The following SLC1A3 variants were observed in gnomAD, a reference collection of about 807,000 sequenced individuals.
SLC1A3 encodes excitatory amino acid transporter 1.
Under a neutral mutation model 48.1 loss-of-function variants are expected in SLC1A3, and 21 were observed. The ratio of observed to expected loss-of-function variants is 0.44; its 90% CI spans 0.31 to 0.63. The LOEUF (loss-of-function observed/expected upper bound fraction) is 0.63, where lower values mean the gene tolerates loss of function less well. SLC1A3 is among the 20% of genes least tolerant of loss of function. The probability of loss-of-function intolerance (pLI) is 0.08; values close to 1 mark genes in which losing one functional copy is unlikely to be tolerated. For missense variants in SLC1A3, 546 were observed against 689.0 expected, an observed-to-expected ratio of 0.79 and a Z score of 2.32; for synonymous variants, 239 against 251.4, an observed-to-expected ratio of 0.95 and a Z score of 0.47.
At chr5:36,671,867 G>A (rs1742010387) in intron 4 of SLC1A3, among the ~76,000 whole-genome samples, 1 of 152,184 alleles carries the variant, frequency 6.6e-6, no homozygotes, top group South Asian at 2.1e-4. Context: ...TGGTAATAGA[G>A]TCAGCCTTAT....
chr5:36,611,892 C>A (rs1739214571), intron 2 of SLC1A3, among the ~76,000 whole-genome samples: 1 of 152,112 alleles, frequency 6.6e-6, no homozygotes, highest in Admixed American at 6.6e-5. Context: ...GAATGAATTG[C>A]ACAATAAAAA....
At chr5:36,605,985 A>G (rs1055063486), upstream of SLC1A3, among the ~76,000 whole-genome samples, 4 of 152,194 alleles carry the variant, frequency 2.6e-5, no homozygotes, top group African/African-American at 9.7e-5. Flanking sequence ...GTCTCTTTAC[A>G]TTTGCTACCT....
intron 3 of SLC1A3, among the ~76,000 whole-genome samples, chr5:36,633,944 G>T (rs747546585): frequency 6.6e-6 from 1 of 152,086 alleles, no homozygotes; most frequent in South Asian, 2.1e-4. Context: ...CCTAACAAAG[G>T]CTCTGGGAGC....
intron 2 of SLC1A3, among the ~76,000 whole-genome samples, chr5:36,613,649 G>A (rs963705148): frequency 6.6e-6 from 1 of 152,114 alleles, no homozygotes; most frequent in Non-Finnish European, 1.5e-5. Flanking sequence ...TCAGACTTAC[G>A]GTTTCTTCAA....
intron 2 of SLC1A3, among the ~76,000 whole-genome samples, chr5:36,611,803 C>T (rs1223360475): frequency 7.1e-6 from 1 of 140,276 alleles, no homozygotes; most frequent in African/African-American, 2.7e-5. Context: ...GTTAGAGTGA[C>T]CTCAGACATC....
intron 3 of SLC1A3, among the ~76,000 whole-genome samples, chr5:36,660,006 C>T (rs1422164509): frequency 6.6e-6 from 1 of 152,162 alleles, no homozygotes; most frequent in Non-Finnish European, 1.5e-5. Context: ...CTTCTCTTTA[C>T]CTTATGTATA....
intron 2 of SLC1A3, among the ~76,000 whole-genome samples, chr5:36,625,425 C>G (rs1739864301): frequency 1.3e-5 from 2 of 151,996 alleles, no homozygotes; most frequent in African/African-American, 4.8e-5. Context: ...CCACTGCACT[C>G]CAGCTTGGGT....
chr5:36,635,590 G>T (rs442867), intron 3 of SLC1A3, among the ~76,000 whole-genome samples: 25,622 of 152,088 alleles, frequency 0.17, 3,142 homozygotes, highest in African/African-American at 0.34. Flanking sequence ...TCTGCCCTGC[G>T]GCATGGAATT....
In SLC1A3 at chr5:36,626,804, A is replaced by G. The variant is rs78306535; in HGVS notation, c.182-2646A>G. Among the ~76,000 whole-genome samples the G allele has an allele frequency of 6.2e-3, 950 of 152,350 alleles. 21 individuals carry two copies. Among genetic ancestry groups the G allele is most frequent in the East Asian group, 0.056 (293 of 5,188 alleles). On this transcript the variant is annotated intron_variant, in intron 2 of 9. Coordinates refer to ENST00000265113, the MANE Select transcript of SLC1A3 (RefSeq NM_004172.5). Reference sequence around the variant, plus strand: ...TTATTAATTCCTATAAGTTATGGATACTGCTGTGTTAAATAATGCACATTG... The same window carrying G: ...TTATTAATTCCTATAAGTTATGGATGCTGCTGTGTTAAATAATGCACATTG...
intron 1 of SLC1A3, among the ~76,000 whole-genome samples, chr5:36,607,909 T>C (rs1178134554): frequency 6.6e-6 from 1 of 152,198 alleles, no homozygotes; most frequent in African/African-American, 2.4e-5. Context: ...TGGTTATGCT[T>C]TCAACCATGT....
chr5:36,673,067 T>G (rs1742060707), intron 4 of SLC1A3, among the ~76,000 whole-genome samples: 1 of 152,176 alleles, frequency 6.6e-6, no homozygotes, highest in African/African-American at 2.4e-5. Flanking sequence ...TCACTTGGTT[T>G]GAACATTTAT....
Position 36,676,941 on chromosome 5 carries a change from A to G in SLC1A3, c.617A>G (p.Asn206Ser), listed in dbSNP as rs977606863. Residue 206 changes from asparagine to serine, a missense_variant, in exon 6 of 10, where the codon AAC (asparagine) becomes AGC (serine). Asn to Ser is a conservative substitution (Grantham distance 46, BLOSUM62 1). This residue lies in a region of SLC1A3 where 348 missense variants were observed against 392.0 expected (regional missense o/e 0.89). Transcript: ENST00000265113. ...AGCTTTAAAGTGCCCATCCAGGCCA[A>G]CGAAACGCTTGTGGGTGCTGTGATA... The part of the protein sequence containing the change: ...KRSFKVPIQA[N>S]ETLVGAVINN... 2.5e-6 allele frequency: 4 copies of G among 1,614,062 alleles called. No individual in the cohort carries two copies. Among genetic ancestry groups the G allele is most frequent in the South Asian group, 1.1e-5 (1 of 91,074 alleles).
Position 36,597,233 on chromosome 5 carries a change from CTTTTTTTTTTTTTTTTTT to C in SLC1A3, c.-96+569_-96+586del, listed in dbSNP as rs70976237. Among the ~76,000 whole-genome samples the C allele has an allele frequency of 5.9e-4, 27 of 46,116 alleles. 1 individual carries two copies. The highest frequency in any genetic ancestry group is 2.5e-3 in the African/African-American group (26 of 10,474). The allele number at this position is 46,116 out of a possible 152,430, so 30.3% of individuals were successfully genotyped here. On this transcript the variant is annotated intron_variant, in intron 1 of 9. Coordinates refer to the SLC1A3 transcript ENST00000680318. ...CACACCGAAAACTTCTTCTTCCTTTCTTTTTTTTTTTTTTTTTTTTTTTTTTTTTTTGAGACGGAGTCT... is the reference window on the plus strand; with the variant it reads ...CACACCGAAAACTTCTTCTTCCTTTCTTTTTTTTTTTTTGAGACGGAGTCT...
chr5:36,614,050 T>C (rs530264511), intron 2 of SLC1A3, among the ~76,000 whole-genome samples: 51 of 152,288 alleles, frequency 3.3e-4, no homozygotes, highest in Non-Finnish European at 4.7e-4. Context: ...AGCTATGTGC[T>C]CTGGAGTCAG....
chr5:36,685,781 A>T (rs945008363), intron 9 of SLC1A3, among the ~76,000 whole-genome samples: 1 of 152,328 alleles, frequency 6.6e-6, no homozygotes, highest in East Asian at 1.9e-4. Flanking sequence ...GACAAATGAC[A>T]TCTTAGTATT....
chr5:36,644,878 T>C (rs1394939617), intron 3 of SLC1A3, among the ~76,000 whole-genome samples: 2 of 152,140 alleles, frequency 1.3e-5, no homozygotes, highest in Non-Finnish European at 2.9e-5. Context: ...AGGTGGTTGG[T>C]GGTGAGGGTG....
chr5:36,679,802 T>G lies in SLC1A3; in HGVS notation c.1036T>G (p.Trp346Gly). 2 of 1,614,072 alleles carry G rather than the reference T, an allele frequency of 1.2e-6. No individual in the cohort carries two copies. Among genetic ancestry groups the G allele is most frequent in the Non-Finnish European group, 1.7e-6 (2 of 1,179,940 alleles). ...CTTCTTGGTAACACGGAAAAACCCT[T>G]GGGTTTTTATTGGAGGGTTGCTGCA... Reference protein sequence around the residue: ...LYFLVTRKNPWVFIGGLLQAL... With the variant: ...LYFLVTRKNPGVFIGGLLQAL... Residue 346 changes from tryptophan to glycine, a missense_variant, in exon 7 of 10, where the codon TGG becomes GGG. This residue lies in a region of SLC1A3 where 142 missense variants were observed against 238.0 expected (regional missense o/e 0.60). Transcript: ENST00000265113.
intron 8 of SLC1A3, 64 bp downstream of exon 8, chr5:36,680,653 C>T (rs1219498739): frequency 2.4e-5 from 34 of 1,405,168 alleles, no homozygotes; most frequent in Non-Finnish European, 3.2e-5. Context: ...CGTGGTGGCT[C>T]ACGCCTGTAA....
At chr5:36,635,482 C>G (rs2111780150) in intron 3 of SLC1A3, among the ~76,000 whole-genome samples, 1 of 152,374 alleles carries the variant, frequency 6.6e-6, no homozygotes, top group Non-Finnish European at 1.5e-5. Context: ...GAAGCAACCA[C>G]TTTCCTATTA....
Sources: gnomAD v4.1 joint callset for allele counts (sites outside exome capture counted in the v4.1 genomes callset) on GRCh38, gnomAD v4.1.1 for gene constraint, gnomAD v4.1.1 regional missense constraint, MANE v1.5 for transcripts, NCBI Gene and HGNC (gene_info 2026-07-23, HGNC 2026-07-21) for gene names.